RASA3: variants seen among roughly 807,000 people sequenced by gnomAD.
RASA3 encodes the protein ras GTPase-activating protein 3.
In RASA3, 73 loss-of-function variants were observed where a neutral mutation model predicts 110.0. The observed-to-expected ratio is 0.66, with a 90% CI of 0.55 to 0.81. The LOEUF is 0.81. RASA3 is among the 30% of genes least tolerant of loss of function. The probability of loss-of-function intolerance (pLI) is 0.00; values close to 1 mark genes in which losing one functional copy is unlikely to be tolerated. For missense variants in RASA3, 976 were observed against 1,113.2 expected, an observed-to-expected ratio of 0.88 and a Z score of 1.75; for synonymous variants, 500 against 451.4, an observed-to-expected ratio of 1.11 and a Z score of -1.37.
At chr13:114,042,428 T>G (rs118131505) in intron 3 of RASA3, among the ~76,000 whole-genome samples, 5,192 of 152,004 alleles carry the variant, frequency 0.034, 124 homozygotes, top group Non-Finnish European at 0.053. Context: ...AGAGCAGGAG[T>G]GAGGAAGGAA....
intron 1 of RASA3, among the ~76,000 whole-genome samples, chr13:114,097,909 A>G (rs569312471): frequency 1.1e-3 from 164 of 152,334 alleles, no homozygotes; most frequent in Non-Finnish European, 2.0e-3. Flanking sequence ...GCCGTGCAGC[A>G]GTGCAGACGG....
At chr13:114,130,383 T>C (rs2080501220) in intron 1 of RASA3, among the ~76,000 whole-genome samples, 1 of 152,144 alleles carries the variant, frequency 6.6e-6, no homozygotes, top group African/African-American at 2.4e-5. Context: ...GGTCAAAGGT[T>C]CAGATGATAT....
intron 1 of RASA3, among the ~76,000 whole-genome samples, chr13:114,128,232 G>A (rs973707267): frequency 3.3e-5 from 5 of 152,232 alleles, no homozygotes; most frequent in African/African-American, 7.2e-5. Context: ...GGAAAGCCAC[G>A]GCGTGGCCAG....
intron 1 of RASA3, among the ~76,000 whole-genome samples, chr13:114,078,499 C>T (rs1187975951): frequency 6.6e-6 from 1 of 152,232 alleles, no homozygotes; most frequent in African/African-American, 2.4e-5. Flanking sequence ...ACTTTTCCCA[C>T]AGACCATGCC....
At chr13:114,053,571 CCA>C (rs540902844) in intron 2 of RASA3, among the ~76,000 whole-genome samples, 1 of 152,240 alleles carries the variant, frequency 6.6e-6, no homozygotes, top group Non-Finnish European at 1.5e-5. Context: ...CAGGGGGCGT[CCA>C]CACAGTCACC....
At chr13:114,094,098 T>C (rs993275456) in intron 1 of RASA3, among the ~76,000 whole-genome samples, 1 of 152,212 alleles carries the variant, frequency 6.6e-6, no homozygotes, top group African/African-American at 2.4e-5. Context: ...TTTGCCTGAA[T>C]GTTCTTGGTG....
chr13:114,027,939 A>C lies in RASA3; in HGVS notation c.450-12T>G, dbSNP rs769977802. 1 of 1,607,400 alleles carries C rather than the reference A, an allele frequency of 6.2e-7. No individual in the cohort carries two copies. The highest frequency in any genetic ancestry group is 1.7e-5 in the Admixed American group (1 of 59,910). ...GGCACTCGACGATGCTGAGGAGAGAAGCAGAGGCGGCGTCAGGAGGGAGCG... is the reference window on the plus strand; with the variant it reads ...GGCACTCGACGATGCTGAGGAGAGACGCAGAGGCGGCGTCAGGAGGGAGCG... On this transcript the variant is annotated splice_polypyrimidine_tract_variant and intron_variant, in intron 5 of 23. Coordinates refer to ENST00000334062, the MANE Select transcript of RASA3 (RefSeq NM_007368.4).
chr13:114,004,883 G>A (rs1038358171), intron 18 of RASA3, among the ~76,000 whole-genome samples: 4 of 152,142 alleles, frequency 2.6e-5, no homozygotes, highest in African/African-American at 4.8e-5. Context: ...GTCCACCAAC[G>A]GACGACTGGA....
Position 114,101,823 on chromosome 13 carries a change from A to G in RASA3, c.56-27986T>C, listed in dbSNP as rs11842563. Among the ~76,000 whole-genome samples, 611 of 152,284 alleles carry G rather than the reference A, an allele frequency of 4.0e-3. 2 individuals are homozygous for G. The highest frequency in any genetic ancestry group is 0.017 in the East Asian group (88 of 5,188). On this transcript the variant is annotated intron_variant, in intron 1 of 23. Transcript: ENST00000334062. ...CTGGATTCCAAAGTGGGCCATGCCA[A>G]TGCCGTCTGGAAAACATACGGAAAA...
intron 21 of RASA3, among the ~76,000 whole-genome samples, chr13:113,995,709 C>CG (rs2053221794): frequency 3.5e-5 from 2 of 56,960 alleles, no homozygotes; most frequent in African/African-American, 9.8e-5. Flanking sequence ...GGCTGGCTGA[C>CG]GGAGGACCCA....
chr13:114,043,823 A>ACCTCACTCGCTGAGCCCCCCCCCCCCG (rs2078982096), intron 3 of RASA3, among the ~76,000 whole-genome samples: 2 of 128,540 alleles, frequency 1.6e-5, no homozygotes, highest in Admixed American at 8.1e-5. Flanking sequence ...CGCCTGGCCC[A>ACCTCACTCGCTGAGCCCCCCCCCCCCG]CCTCACTCGC....
intron 1 of RASA3, among the ~76,000 whole-genome samples, chr13:114,131,456 T>C (rs1486776343): frequency 6.6e-6 from 1 of 151,930 alleles, no homozygotes; most frequent in East Asian, 1.9e-4. Flanking sequence ...TCCACATCAC[T>C]CTCCCAAGAT....
chr13:113,993,770 T>G (rs922895273), intron 21 of RASA3, among the ~76,000 whole-genome samples: 4 of 130,736 alleles, frequency 3.1e-5, no homozygotes, highest in Non-Finnish European at 6.1e-5. Context: ...ATCACACCAC[T>G]GCACTTCAGC....
In RASA3 at chr13:114,010,415, G is replaced by T. The variant is rs535586311; in HGVS notation, c.1590+756C>A. Among the ~76,000 whole-genome samples, 19 of 152,106 alleles carry T rather than the reference G, an allele frequency of 1.2e-4. 1 individual carries two copies. In the South Asian group the frequency reaches 3.9e-3, roughly 32 times the overall value. Reference sequence around the variant, plus strand: ...GGCCTCACCAGGAGCACTGCCCCCGGGACGCCTCAAACGTCAGCTCTGACC... The same window carrying T: ...GGCCTCACCAGGAGCACTGCCCCCGTGACGCCTCAAACGTCAGCTCTGACC... On this transcript the variant is annotated intron_variant, in intron 16 of 23. Coordinates refer to ENST00000334062, the MANE Select transcript of RASA3 (RefSeq NM_007368.4).
intron 1 of RASA3, among the ~76,000 whole-genome samples, chr13:114,131,904 C>T (rs898301037): frequency 1.3e-5 from 2 of 152,172 alleles, no homozygotes; most frequent in Non-Finnish European, 2.9e-5. Flanking sequence ...GGCACAGACG[C>T]GCGCGCACAG....
At chr13:114,032,491 G>A (rs2054187638) in intron 4 of RASA3, among the ~76,000 whole-genome samples, 1 of 152,118 alleles carries the variant, frequency 6.6e-6, no homozygotes. Flanking sequence ...ACCCTTGCCT[G>A]TGAACCCTCG....
chr13:114,077,769 T>G (rs1594432319), intron 1 of RASA3: 1 of 959,562 alleles, frequency 1.0e-6, no homozygotes, highest in East Asian at 1.2e-4. Context: ...ACACACCAGG[T>G]TCCTCCCTCC....
intron 5 of RASA3, among the ~76,000 whole-genome samples, chr13:114,028,870 T>TG (rs748208926): frequency 8.4e-5 from 2 of 23,940 alleles, no homozygotes; most frequent in Non-Finnish European, 1.4e-4. Context: ...GGCATCATCC[T>TG]GGGGCCAGGA....
rs767959060 is a variant in RASA3, at chr13:114,096,919, G to A, written c.56-23082C>T. On this transcript the variant is annotated intron_variant, in intron 1 of 23. Transcript: ENST00000334062. The surrounding 1 kb of genome is among the most constrained non-coding windows in gnomAD (Gnocchi z 5.1). The stretch of plus-strand genomic sequence containing the variant: ...CCAACATGTGCGCCTTTGAACATGC[G>A]TTCTCTCCGCCTGCAGTGCCCTCCT... Among the ~76,000 whole-genome samples the A allele has an allele frequency of 5.3e-5, 8 of 152,110 alleles. No individual in the cohort carries two copies. The highest frequency in any genetic ancestry group is 1.2e-4 in the Non-Finnish European group (8 of 68,032).
Sources: gnomAD v4.1 joint callset for allele counts (sites outside exome capture counted in the v4.1 genomes callset) on GRCh38, gnomAD v4.1.1 for gene constraint, Gnocchi (gnomAD v3.1) non-coding constraint, MANE v1.5 for transcripts, NCBI Gene and HGNC (gene_info 2026-07-23, HGNC 2026-07-21) for gene names.